The following SNTG1 variants were observed in gnomAD, a reference collection of about 807,000 sequenced individuals.
The protein encoded by SNTG1 is gamma-1-syntrophin.
A neutral mutation model predicts 74.7 loss-of-function variants in SNTG1; 39 were observed. The observed-to-expected ratio is 0.52, with a 90% CI of 0.40 to 0.68. The LOEUF (loss-of-function observed/expected upper bound fraction) is 0.68. Ranked by LOEUF, SNTG1 falls within the 30% of genes least tolerant of loss-of-function variation. The pLI is 0.00. For missense variants in SNTG1, 685 were observed against 609.5 expected (o/e 1.12, Z -1.30); for synonymous variants, 254 against 217.1 (o/e 1.17, Z -1.49).
At chr8:50,717,843 C>G (rs953904185) in intron 17 of SNTG1, among the ~76,000 whole-genome samples, 1 of 152,214 alleles carries the variant, frequency 6.6e-6, no homozygotes, top group Non-Finnish European at 1.5e-5. Flanking sequence ...CCCTCACACA[C>G]TGTGGGATAG....
chr8:50,644,631 G>A (rs2095095485), intron 13 of SNTG1, among the ~76,000 whole-genome samples: 2 of 152,172 alleles, frequency 1.3e-5, no homozygotes, highest in South Asian at 4.1e-4. Context: ...GTGGGGGAGA[G>A]TCAAAAGTTA....
chr8:50,146,833 T>C (rs2081887894), intron 1 of SNTG1, among the ~76,000 whole-genome samples: 2 of 152,220 alleles, frequency 1.3e-5, no homozygotes, highest in African/African-American at 4.8e-5. Context: ...TGGTTAAGTG[T>C]CTGTTAAAAG....
intron 1 of SNTG1, among the ~76,000 whole-genome samples, chr8:50,104,394 G>A (rs547305589): frequency 4.6e-5 from 7 of 152,148 alleles, no homozygotes; most frequent in Non-Finnish European, 1.5e-5. Context: ...ATTTCTGTGG[G>A]ATCGGTGCTG....
At chr8:50,720,390 G>A (rs1283434765) in intron 17 of SNTG1, among the ~76,000 whole-genome samples, 3 of 152,046 alleles carry the variant, frequency 2.0e-5, no homozygotes, top group Admixed American at 6.6e-5. Context: ...AATAGGACTT[G>A]TCAATTTATT....
At chr8:50,781,889 G>A (rs565644914) in intron 18 of SNTG1, among the ~76,000 whole-genome samples, 1 of 152,226 alleles carries the variant, frequency 6.6e-6, no homozygotes, top group Non-Finnish European at 1.5e-5. Context: ...AACTCTTTTA[G>A]GGTAGGCCTG....
chr8:50,649,803 T>G lies in SNTG1; in HGVS notation c.850-7106T>G, dbSNP rs1472846886. On this transcript the variant is annotated intron_variant, in intron 13 of 18. Coordinates refer to ENST00000642720, the MANE Select transcript of SNTG1 (RefSeq NM_018967.5). ...TTATCTTATTTTTAAATTTCTATTTTTTACTATTAATTTAGGTTACTCAGT... is the reference window on the plus strand; with the variant it reads ...TTATCTTATTTTTAAATTTCTATTTGTTACTATTAATTTAGGTTACTCAGT... Among the ~76,000 whole-genome samples, 4 of 151,990 alleles carry G rather than the reference T, an allele frequency of 2.6e-5. No individual in the cohort carries two copies. In the East Asian group the frequency reaches 5.8e-4, roughly 22 times the overall value.
rs879358498 is a variant in SNTG1 at position 49,973,516 on chromosome 8, T to TAA, written c.-103+61297_-103+61298dup. ...TACCCTAAAAGTTAAAGCATAATAA[T>TAA]AAAAAAAAAAAAAGAAAAGAGTCTG... On this transcript the variant is annotated intron_variant, in intron 1 of 18. Transcript: ENST00000642720. Among the ~76,000 whole-genome samples the TAA allele has an allele frequency of 3.4e-3, 442 of 130,012 alleles. 5 individuals carry two copies. Among genetic ancestry groups the TAA allele is most frequent in the East Asian group, 0.01 (46 of 4,558 alleles). The allele number at this position is 130,012 out of a possible 152,430, so 85.3% of individuals were successfully genotyped here.
chr8:50,370,695 C>T (rs2092246819), intron 2 of SNTG1, among the ~76,000 whole-genome samples: 1 of 152,106 alleles, frequency 6.6e-6, no homozygotes, highest in African/African-American at 2.4e-5. Context: ...GCCATCCCCA[C>T]CTCCGCTCCT....
chr8:50,107,351 T>A (rs1475206951), intron 1 of SNTG1, among the ~76,000 whole-genome samples: 1 of 152,162 alleles, frequency 6.6e-6, no homozygotes. Context: ...GATAGATAGA[T>A]AAAAGAAAAT....
chr8:50,146,878 T>C (rs966878958), intron 1 of SNTG1, among the ~76,000 whole-genome samples: 2 of 152,114 alleles, frequency 1.3e-5, no homozygotes, highest in African/African-American at 2.4e-5. Context: ...TTTTTTCTTG[T>C]TGAGTTTTAA....
At chr8:50,622,229 G>T (rs1321621487) in intron 13 of SNTG1, among the ~76,000 whole-genome samples, 1 of 152,142 alleles carries the variant, frequency 6.6e-6, no homozygotes, top group East Asian at 1.9e-4. Context: ...GTTCACCAGG[G>T]TATCCTACGT....
At chr8:50,417,140 G>A (rs1282336498) in intron 4 of SNTG1, among the ~76,000 whole-genome samples, 4 of 152,072 alleles carry the variant, frequency 2.6e-5, no homozygotes, top group African/African-American at 7.2e-5. Context: ...TATAACTTCA[G>A]TTTGAACCGC....
intron 1 of SNTG1, among the ~76,000 whole-genome samples, chr8:50,032,180 G>GT (rs1554553217): frequency 6.6e-6 from 1 of 151,592 alleles, no homozygotes; most frequent in Non-Finnish European, 1.5e-5. Flanking sequence ...TTCTCAATTC[G>GT]TTTTTTCTTT....
At chr8:50,308,719 A>C (rs1258572079) in intron 2 of SNTG1, among the ~76,000 whole-genome samples, 1 of 152,136 alleles carries the variant, frequency 6.6e-6, no homozygotes, top group Non-Finnish European at 1.5e-5. Flanking sequence ...ATGTGTTATT[A>C]AATGCTTAAT....
chr8:50,212,349 A>C (rs1050014515), intron 2 of SNTG1, among the ~76,000 whole-genome samples: 1 of 152,166 alleles, frequency 6.6e-6, no homozygotes, highest in Admixed American at 6.6e-5. Context: ...GATTTTATCA[A>C]ATGTGAGTAA....
chr8:50,722,859 C>T (rs1201667706), intron 17 of SNTG1, among the ~76,000 whole-genome samples: 1 of 151,876 alleles, frequency 6.6e-6, no homozygotes, highest in African/African-American at 2.4e-5. Context: ...TATAAATGTC[C>T]AAGGAATATT....
intron 2 of SNTG1, among the ~76,000 whole-genome samples, chr8:50,198,418 G>A (rs1235230290): frequency 6.6e-6 from 1 of 152,104 alleles, no homozygotes; most frequent in Non-Finnish European, 1.5e-5. Flanking sequence ...ATTTTACAAG[G>A]CAATATGGGG....
intron 8 of SNTG1, among the ~76,000 whole-genome samples, chr8:50,471,768 T>A (rs2093656057): frequency 1.3e-5 from 2 of 152,090 alleles, no homozygotes; most frequent in African/African-American, 4.8e-5. Context: ...AAATACTATT[T>A]TGGAATAAAA....
At chr8:49,927,922 C>G (rs1026956913) in intron 1 of SNTG1, among the ~76,000 whole-genome samples, 2 of 151,782 alleles carry the variant, frequency 1.3e-5, no homozygotes, top group Non-Finnish European at 2.9e-5. Context: ...CAAGATCAGC[C>G]TAGCCAACAT....
Sources: gnomAD v4.1 joint callset for allele counts (sites outside exome capture counted in the v4.1 genomes callset) on GRCh38, gnomAD v4.1.1 for gene constraint, MANE v1.5 for transcripts, NCBI Gene and HGNC (gene_info 2026-07-23, HGNC 2026-07-21) for gene names.